NALF1: variants seen among roughly 807,000 people sequenced by gnomAD.
NALF1 encodes the protein family with sequence similarity 155 member A.
In NALF1, 3 loss-of-function variants were observed where a neutral mutation model predicts 48.4. The observed-to-expected ratio is 0.06, with a 90% CI of 0.03 to 0.16. The LOEUF (loss-of-function observed/expected upper bound fraction) is 0.16, where lower values mean the gene tolerates loss of function less well. Among genes scored for constraint, NALF1 ranks in the 10% least tolerant of loss-of-function variants. The pLI, the probability that NALF1 is intolerant of heterozygous loss-of-function variation, is 1.00. For missense variants in NALF1, 526 were observed against 571.5 expected, an observed-to-expected ratio of 0.92 and a Z score of 0.81; for synonymous variants, 262 against 245.7, an observed-to-expected ratio of 1.07 and a Z score of -0.62.
chr13:107,490,109 C>T (rs888393482), intron 1 of NALF1, among the ~76,000 whole-genome samples: 11 of 152,104 alleles, frequency 7.2e-5, no homozygotes, highest in South Asian at 2.1e-4. Flanking sequence ...GAAAAAGGAA[C>T]GCTTATACAC....
intron 1 of NALF1, among the ~76,000 whole-genome samples, chr13:107,564,227 T>G (rs1191152340): frequency 6.6e-6 from 1 of 152,184 alleles, no homozygotes; most frequent in East Asian, 1.9e-4. Flanking sequence ...ACTGATCAAT[T>G]TCAAGGACTT....
At chr13:107,253,041 T>C (rs1434636997) in intron 1 of NALF1, among the ~76,000 whole-genome samples, 3 of 152,232 alleles carry the variant, frequency 2.0e-5, no homozygotes, top group Non-Finnish European at 4.4e-5. Flanking sequence ...GACATAGTTA[T>C]GAAAAGAAGT....
chr13:107,531,317 T>C (rs1411156045), intron 1 of NALF1: 1 of 163,356 alleles, frequency 6.1e-6, no homozygotes, highest in Non-Finnish European at 1.5e-5. Flanking sequence ...GAGTGAGCTC[T>C]TCTTCTGAGT....
chr13:107,520,604 T>G (rs1876205853), intron 1 of NALF1, among the ~76,000 whole-genome samples: 2 of 152,242 alleles, frequency 1.3e-5, no homozygotes, highest in African/African-American at 2.4e-5. Context: ...CTTTCTACAT[T>G]CAATTCCTCA....
intron 1 of NALF1, among the ~76,000 whole-genome samples, chr13:107,556,795 C>T (rs1877496833): frequency 6.6e-6 from 1 of 152,032 alleles, no homozygotes; most frequent in Non-Finnish European, 1.5e-5. Flanking sequence ...ATAGTTTCTT[C>T]AGAATAGGCT....
At chr13:107,424,747 A>G (rs1251168253) in intron 1 of NALF1, among the ~76,000 whole-genome samples, 1 of 152,144 alleles carries the variant, frequency 6.6e-6, no homozygotes, top group Non-Finnish European at 1.5e-5. Flanking sequence ...ATCATCTACT[A>G]CTCATATAAA....
chr13:107,365,047 TCTCTCC>T (rs1414831996), intron 1 of NALF1, among the ~76,000 whole-genome samples: 3 of 124,008 alleles, frequency 2.4e-5, no homozygotes, highest in Non-Finnish European at 3.4e-5. Flanking sequence ...CCTCCTTCTC[TCTCTCC>T]CTCTCCCTCT....
chr13:107,509,826 G>T (rs115963946), intron 1 of NALF1, among the ~76,000 whole-genome samples: 5,763 of 152,008 alleles, frequency 0.038, 212 homozygotes, highest in African/African-American at 0.09. Flanking sequence ...TATTTTTTGA[G>T]TTAGGGTTTC....
At chr13:107,710,762 TGTATACAC>T (rs1425194604) in intron 1 of NALF1, among the ~76,000 whole-genome samples, 2 of 111,302 alleles carry the variant, frequency 1.8e-5, no homozygotes, top group African/African-American at 6.2e-5. Flanking sequence ...TATACATATA[TGTATACAC>T]ACATATGTGT....
chr13:107,298,781 C>T (rs886777441), intron 1 of NALF1, among the ~76,000 whole-genome samples: 1 of 152,124 alleles, frequency 6.6e-6, no homozygotes, highest in Admixed American at 6.5e-5. Flanking sequence ...TTTAGATTTA[C>T]AGAAATTTCC....
intron 1 of NALF1, among the ~76,000 whole-genome samples, chr13:107,688,768 C>A (rs1402189195): frequency 6.6e-6 from 1 of 152,086 alleles, no homozygotes; most frequent in Non-Finnish European, 1.5e-5. Flanking sequence ...TGCCAGAGAA[C>A]TGAATCAGAA....
At chr13:107,787,672 TTAAG>T in intron 1 of NALF1, among the ~76,000 whole-genome samples, 1 of 152,354 alleles carries the variant, frequency 6.6e-6, no homozygotes, top group Non-Finnish European at 1.5e-5. Flanking sequence ...TTAAGTACAA[TTAAG>T]TATTTCTGAA....
At chr13:107,399,611 T>A (rs7318390) in intron 1 of NALF1, among the ~76,000 whole-genome samples, 1 of 151,746 alleles carries the variant, frequency 6.6e-6, no homozygotes, top group Admixed American at 6.6e-5. Flanking sequence ...ACCTACAAAA[T>A]GCTTGTTGAT....
chr13:107,339,056 C>T (rs1366742989), intron 1 of NALF1, among the ~76,000 whole-genome samples: 1 of 149,640 alleles, frequency 6.7e-6, no homozygotes, highest in Non-Finnish European at 1.5e-5. Context: ...ATGGCGTGAA[C>T]TCGGGAGGTG....
chr13:107,784,210 C>T (rs919485310), intron 1 of NALF1, among the ~76,000 whole-genome samples: 2 of 152,194 alleles, frequency 1.3e-5, no homozygotes, highest in East Asian at 1.9e-4. Flanking sequence ...ATAACTACTG[C>T]CCCGCTGACT....
chr13:107,612,530 G>T (rs1325971998), intron 1 of NALF1, among the ~76,000 whole-genome samples: 1 of 152,128 alleles, frequency 6.6e-6, no homozygotes, highest in Non-Finnish European at 1.5e-5. Flanking sequence ...TCGGGAGAAT[G>T]AGTAGAACAG....
At chr13:107,179,623 A>C (rs1232574765) in intron 2 of NALF1, among the ~76,000 whole-genome samples, 1 of 149,970 alleles carries the variant, frequency 6.7e-6, no homozygotes, top group Non-Finnish European at 1.5e-5. Context: ...TATCTCAATA[A>C]TGTTATACCT....
chr13:107,561,762 G>C (rs1877653948), intron 1 of NALF1, among the ~76,000 whole-genome samples: 1 of 152,168 alleles, frequency 6.6e-6, no homozygotes. Context: ...CCCACTTCCT[G>C]TGAAGCCTGT....
intron 1 of NALF1, among the ~76,000 whole-genome samples, chr13:107,619,184 C>A (rs1421507652): frequency 6.6e-6 from 1 of 152,212 alleles, no homozygotes; most frequent in Non-Finnish European, 1.5e-5. Context: ...AGGTACATGT[C>A]TAGAATATCA....
Sources: allele counts gnomAD v4.1 joint callset (sites outside exome capture counted in the v4.1 genomes callset), GRCh38; gene constraint gnomAD v4.1.1; transcripts MANE v1.5; gene names NCBI Gene and HGNC (gene_info 2026-07-23, HGNC 2026-07-21).